Variants in AGBL1 observed in about 807,000 individuals in gnomAD.
AGBL1 encodes the protein AGBL carboxypeptidase 1.
In AGBL1, 130 loss-of-function variants were observed where a neutral mutation model predicts 118.9. The observed-to-expected ratio is 1.09, with a 90% CI of 0.95 to 1.26. AGBL1 has a LOEUF of 1.26. Ranked by LOEUF, AGBL1 falls within the 50% of genes most tolerant of loss-of-function variation. The pLI is 0.00. For synonymous variants in AGBL1, 555 were observed against 478.9 expected, an observed-to-expected ratio of 1.16 and a Z score of -2.08; for missense variants, 1,584 against 1,298.1, an observed-to-expected ratio of 1.22 and a Z score of -3.38.
At chr15:86,261,852 C>A (rs1396735404) in intron 9 of AGBL1, among the ~76,000 whole-genome samples, 1 of 151,954 alleles carries the variant, frequency 6.6e-6, no homozygotes, top group Non-Finnish European at 1.5e-5. Context: ...ACTCACGGTG[C>A]CTTGGTAAAT....
chr15:86,221,959 C>T (rs1344919535), intron 5 of AGBL1, among the ~76,000 whole-genome samples: 3 of 152,102 alleles, frequency 2.0e-5, no homozygotes, highest in Non-Finnish European at 2.9e-5. Context: ...ACTATTGGGT[C>T]AAAATTTCCA....
At chr15:86,192,981 T>A (rs1889132641) in intron 5 of AGBL1, among the ~76,000 whole-genome samples, 1 of 152,218 alleles carries the variant, frequency 6.6e-6, no homozygotes, top group South Asian at 2.1e-4. Flanking sequence ...TTTAATTTTG[T>A]ACTTAATTTA....
chr15:86,214,439 C>A (rs1014706033), intron 5 of AGBL1, among the ~76,000 whole-genome samples: 1 of 152,166 alleles, frequency 6.6e-6, no homozygotes, highest in African/African-American at 2.4e-5. Flanking sequence ...ACTCATTATA[C>A]CTCTCTATAT....
downstream of AGBL1, among the ~76,000 whole-genome samples, chr15:87,029,425 A>G (rs752619944): frequency 3.4e-4 from 51 of 151,752 alleles, no homozygotes; most frequent in Non-Finnish European, 5.3e-4. Context: ...GCATGCTTTG[A>G]TGTGCTAATA....
At chr15:86,816,310 T>A (rs919328831) in intron 22 of AGBL1, among the ~76,000 whole-genome samples, 1 of 152,186 alleles carries the variant, frequency 6.6e-6, no homozygotes, top group Non-Finnish European at 1.5e-5. Context: ...AGAAGGCAGG[T>A]GGCCAGCTGT....
intron 17 of AGBL1, among the ~76,000 whole-genome samples, chr15:86,318,217 T>C (rs1200463135): frequency 2.6e-5 from 4 of 152,314 alleles, no homozygotes; most frequent in South Asian, 4.1e-4. Context: ...ATATTACATA[T>C]ACAAAACAAT....
At position 86,679,170 on chromosome 15, in the gene AGBL1, A is replaced by T. The variant is rs2085903959; in HGVS notation, c.3158+4734A>T. ...ATTAAATTATAGATATTTTTGGTCT[A>T]TTGAGTGCTCGTCTATGTTACTTTT... is the stretch of plus-strand genomic sequence containing the variant. On this transcript the variant is annotated intron_variant, in intron 22 of 22. Coordinates refer to ENST00000614907, the MANE Select transcript of AGBL1 (RefSeq NM_001386094.1). Among the ~76,000 whole-genome samples the T allele has an allele frequency of 2.0e-5, 3 of 152,176 alleles. No individual in the cohort carries two copies. The South Asian group carries it at 6.2e-4, about 32-fold the overall frequency.
At chr15:86,636,836 T>A (rs2085105548) in intron 21 of AGBL1, among the ~76,000 whole-genome samples, 1 of 147,028 alleles carries the variant, frequency 6.8e-6, no homozygotes, top group African/African-American at 2.5e-5. Flanking sequence ...TCACCTATGA[T>A]GACTCATAGG....
intron 22 of AGBL1, among the ~76,000 whole-genome samples, chr15:86,856,909 T>G (rs2141471228): frequency 6.6e-6 from 1 of 152,310 alleles, no homozygotes; most frequent in Middle Eastern, 3.4e-3. Context: ...GGCAGACATT[T>G]TCATGACTAG....
intron 16 of AGBL1, among the ~76,000 whole-genome samples, chr15:86,282,283 G>T (rs754906475): frequency 6.6e-6 from 1 of 152,152 alleles, no homozygotes; most frequent in Non-Finnish European, 1.5e-5. Flanking sequence ...TTCACTGAGA[G>T]GGAAAGAGAG....
In AGBL1 at chr15:86,740,623, C is replaced by T. The variant is rs549980208; in HGVS notation, c.3158+66187C>T. 3.9e-5 allele frequency among the ~76,000 whole-genome samples: 6 copies of T among 152,198 alleles called. No individual in the cohort carries two copies. In the East Asian group the frequency reaches 1.2e-3, roughly 29 times the overall value. On this transcript the variant is annotated intron_variant, in intron 22 of 22. Coordinates refer to ENST00000614907, the MANE Select transcript of AGBL1 (RefSeq NM_001386094.1). ...GATTATGGCACACAATTTATAAGTG[C>T]TTGTAGAAGATTAGTAGACAGTGTG... is the stretch of plus-strand genomic sequence containing the variant.
chr15:86,974,368 T>G (rs2081145531), intron 23 of AGBL1, among the ~76,000 whole-genome samples: 1 of 115,854 alleles, frequency 8.6e-6, no homozygotes, highest in Non-Finnish European at 1.6e-5. Flanking sequence ...TTTTAATATA[T>G]TAAATATAAA....
rs2080325844 is a variant in AGBL1 at position 86,909,826 on chromosome 15, G to A, written c.*2532G>A. ...TTATTTCAGCCCAAATTAGTTTTGG[G>A]GGTTAGCTTCTGGTCATGAGGCATG... On this transcript the variant is annotated 3_prime_UTR_variant, in exon 23 of 23. Transcript: ENST00000614907. 1 of 152,252 alleles carries A rather than the reference G, an allele frequency of 6.6e-6. No individual in the cohort carries two copies. The highest frequency in any genetic ancestry group is 6.5e-5 in the Admixed American group (1 of 15,290). 9.4% of individuals were successfully genotyped at this position (152,252 alleles called of 1,614,324 possible).
intron 21 of AGBL1, among the ~76,000 whole-genome samples, chr15:86,664,879 T>A (rs969306332): frequency 6.6e-6 from 1 of 152,100 alleles, no homozygotes; most frequent in East Asian, 1.9e-4. Flanking sequence ...TCAGATACAC[T>A]TTTTTCAGGC....
At chr15:86,167,684 G>C (rs2077361062) in intron 5 of AGBL1, among the ~76,000 whole-genome samples, 1 of 152,228 alleles carries the variant, frequency 6.6e-6, no homozygotes, top group African/African-American at 2.4e-5. Flanking sequence ...GCAGTGTCTG[G>C]AGATGTGCTT....
At chr15:86,894,248 T>A (rs1304454874) in intron 22 of AGBL1, among the ~76,000 whole-genome samples, 1 of 152,220 alleles carries the variant, frequency 6.6e-6, no homozygotes, top group African/African-American at 2.4e-5. Context: ...CTATTTTCTT[T>A]CATTTATATT....
Position 86,972,501 on chromosome 15 carries a change from TTATAA to T in AGBL1, c.3222-15485_3222-15481del, listed in dbSNP as rs1367559333. ...TTTTTATTTACTGAAATTATTAAATTTATAACTTCTGATTTGAAAATAAGAATCTT... is the reference window on the plus strand; with the variant it reads ...TTTTTATTTACTGAAATTATTAAATTCTTCTGATTTGAAAATAAGAATCTT... On this transcript the variant is annotated intron_variant, in intron 23 of 24. Transcript: ENST00000441037. Among the ~76,000 whole-genome samples the T allele has an allele frequency of 1.1e-4, 16 of 152,192 alleles. No homozygotes were observed. In the East Asian group the frequency reaches 2.3e-3, roughly 22 times the overall value.
intron 5 of AGBL1, among the ~76,000 whole-genome samples, chr15:86,183,134 G>C (rs1386544836): frequency 2.0e-5 from 3 of 152,140 alleles, no homozygotes; most frequent in Non-Finnish European, 4.4e-5. Flanking sequence ...TTTCTCCAGT[G>C]TTTACTGGTG....
intron 21 of AGBL1, among the ~76,000 whole-genome samples, chr15:86,649,310 G>A (rs2085332826): frequency 6.6e-6 from 1 of 152,150 alleles, no homozygotes; most frequent in Non-Finnish European, 1.5e-5. Flanking sequence ...CAGTGAAATT[G>A]GAAGTAAGAT....
Sources: allele counts gnomAD v4.1 joint callset (sites outside exome capture counted in the v4.1 genomes callset), GRCh38; gene constraint gnomAD v4.1.1; transcripts MANE v1.5; gene names NCBI Gene and HGNC (gene_info 2026-07-23, HGNC 2026-07-21).